KCNJ12: variants seen among roughly 807,000 people sequenced by gnomAD.
KCNJ12 encodes the protein ATP-sensitive inward rectifier potassium channel 12.
Under a neutral mutation model 22.3 loss-of-function variants are expected in KCNJ12, and 2 were observed. The ratio of observed to expected loss-of-function variants is 0.09; its 90% CI spans 0.04 to 0.28. The LOEUF is 0.28. Ranked by LOEUF, KCNJ12 falls within the 10% of genes least tolerant of loss-of-function variation. The pLI is 1.00. For synonymous variants in KCNJ12, 117 were observed against 261.4 expected (o/e 0.45, Z 5.33); for missense variants, 155 against 633.3 (o/e 0.24, Z 8.11).
intron 1 of KCNJ12, among the ~76,000 whole-genome samples, chr17:21,383,708 C>G (rs1555558308): frequency 6.6e-6 from 1 of 152,076 alleles, no homozygotes; most frequent in Non-Finnish European, 1.5e-5. Context: ...CTCAGAGAAT[C>G]CTAGAGGTCC....
chr17:21,393,519 C>T (rs1905259711), intron 1 of KCNJ12, among the ~76,000 whole-genome samples: 1 of 152,188 alleles, frequency 6.6e-6, no homozygotes, highest in Admixed American at 6.5e-5. Context: ...GCCATTTATC[C>T]AGCTAACCCT....
At chr17:21,401,066 C>T (rs2364088) in intron 1 of KCNJ12, among the ~76,000 whole-genome samples, 12 of 152,368 alleles carry the variant, frequency 7.9e-5, no homozygotes, top group African/African-American at 2.9e-4. Context: ...TTCACAAAGC[C>T]CTGGCTTCTG....
At chr17:21,406,890 T>A (rs1337890211) in intron 1 of KCNJ12, among the ~76,000 whole-genome samples, 1 of 152,286 alleles carries the variant, frequency 6.6e-6, no homozygotes, top group East Asian at 1.9e-4. Context: ...ACCGTGGAGA[T>A]CCTCAGAGCC....
intron 1 of KCNJ12, among the ~76,000 whole-genome samples, chr17:21,388,351 C>T (rs1555558923): frequency 2.0e-5 from 3 of 152,188 alleles, no homozygotes; most frequent in Admixed American, 6.5e-5. Flanking sequence ...CTTGCCTGCG[C>T]GTGGAGCCCG....
chr17:21,397,281 T>A (rs547845895), intron 1 of KCNJ12, among the ~76,000 whole-genome samples: 1 of 152,196 alleles, frequency 6.6e-6, no homozygotes, highest in Non-Finnish European at 1.5e-5. Flanking sequence ...GTAACATCCC[T>A]GTAGCTGCGA....
At chr17:21,388,622 T>C (rs930817790) in intron 1 of KCNJ12, among the ~76,000 whole-genome samples, 1 of 152,196 alleles carries the variant, frequency 6.6e-6, no homozygotes, top group African/African-American at 2.4e-5. Context: ...CAGGAAGTAG[T>C]GTGACGTCGT....
Position 21,418,475 on chromosome 17 carries a change from G to T in KCNJ12, c.*1831G>T, listed in dbSNP as rs377476207. ...GAGGGGCTGGGGGCGTGGGGTGGGG[G>T]TGTCTGCCTCTTCCCTCCACCTCCT... On this transcript the variant is annotated 3_prime_UTR_variant, in exon 3 of 3. Transcript: ENST00000583088. 1.2e-5 allele frequency: 2 copies of T among 166,898 alleles called. No homozygotes were observed. The highest frequency in any genetic ancestry group is 4.8e-5 in the African/African-American group (2 of 41,364). 10.3% of individuals were successfully genotyped at this position (166,898 alleles called of 1,614,324 possible).
intron 2 of KCNJ12, among the ~76,000 whole-genome samples, chr17:21,411,472 G>C (rs1228242150): frequency 6.6e-6 from 1 of 152,286 alleles, no homozygotes; most frequent in Admixed American, 6.5e-5. Flanking sequence ...GCCTTGTCTA[G>C]CTCAGGTAGT....
intron 1 of KCNJ12, among the ~76,000 whole-genome samples, chr17:21,406,161 G>T (rs1657712): frequency 5.0e-4 from 76 of 152,400 alleles, no homozygotes; most frequent in Admixed American, 1.1e-3. Flanking sequence ...CAGGTGACTG[G>T]GCAGGTGACT....
In KCNJ12 at chr17:21,405,708, C is replaced by A. The variant is rs56788990; in HGVS notation, c.-178-2811C>A. Among the ~76,000 whole-genome samples the A allele has an allele frequency of 8.7e-3, 1,255 of 144,842 alleles. 1 individual carries two copies. Among genetic ancestry groups the A allele is most frequent in the African/African-American group, 0.03 (1,154 of 38,996 alleles). ...AGCACTGCCCCTGCAGCCCACCTCCCCATCCAGGATTGTGACCATAACCCC... is the reference window on the plus strand; with the variant it reads ...AGCACTGCCCCTGCAGCCCACCTCCACATCCAGGATTGTGACCATAACCCC... On this transcript the variant is annotated intron_variant, in intron 1 of 2. Coordinates refer to ENST00000583088, the MANE Select transcript of KCNJ12 (RefSeq NM_021012.5).
rs1906896030 is a variant in KCNJ12 at position 21,417,214 on chromosome 17, G to A, written c.*570G>A. On this transcript the variant is annotated 3_prime_UTR_variant, in exon 3 of 3. Coordinates refer to ENST00000583088, the MANE Select transcript of KCNJ12 (RefSeq NM_021012.5). ...GGCTCCAGAGGGTTCCCCGAGGTGGGACTGGCCTCTCCCCGTGTGTGTGGG... is the reference window on the plus strand; with the variant it reads ...GGCTCCAGAGGGTTCCCCGAGGTGGAACTGGCCTCTCCCCGTGTGTGTGGG... The A allele has an allele frequency of 6.0e-6, 1 of 168,040 alleles. No individual in the cohort carries two copies. The highest frequency in any genetic ancestry group is 2.1e-4 in the South Asian group (1 of 4,846). 10.4% of individuals were successfully genotyped at this position (168,040 alleles called of 1,614,324 possible).
intron 2 of KCNJ12, among the ~76,000 whole-genome samples, chr17:21,411,966 C>T (rs1424844689): frequency 6.6e-6 from 1 of 152,308 alleles, no homozygotes. Flanking sequence ...GTGCTGTATT[C>T]ACCAAGTGCC....
chr17:21,383,951 T>C (rs1214974730), intron 1 of KCNJ12, among the ~76,000 whole-genome samples: 1 of 152,126 alleles, frequency 6.6e-6, no homozygotes, highest in Non-Finnish European at 1.5e-5. Flanking sequence ...GTGCTCACAG[T>C]AAAGTGATAA....
intron 1 of KCNJ12, among the ~76,000 whole-genome samples, chr17:21,400,466 C>G (rs1327750948): frequency 1.3e-5 from 2 of 152,306 alleles, no homozygotes; most frequent in Admixed American, 6.5e-5. Flanking sequence ...TCTGTCTCCC[C>G]CGATCTGTGA....
In KCNJ12 at chr17:21,393,475, C is replaced by T. The variant is rs531803824; in HGVS notation, c.-178-15044C>T. Reference sequence around the variant, plus strand: ...CCTCCCCTCTGCCTCTGGTATGTCTCCACTCTTGCTTACGAAGCCAGCACT... The same window carrying T: ...CCTCCCCTCTGCCTCTGGTATGTCTTCACTCTTGCTTACGAAGCCAGCACT... On this transcript the variant is annotated intron_variant, in intron 1 of 2. Coordinates refer to ENST00000583088, the MANE Select transcript of KCNJ12 (RefSeq NM_021012.5). 6.8e-4 allele frequency among the ~76,000 whole-genome samples: 103 copies of T among 152,272 alleles called. No individual in the cohort carries two copies. The South Asian group carries it at 0.02, about 30-fold the overall frequency.
intron 1 of KCNJ12, among the ~76,000 whole-genome samples, chr17:21,400,609 G>A (rs1182474097): frequency 2.0e-5 from 3 of 152,308 alleles, no homozygotes; most frequent in African/African-American, 7.2e-5. Flanking sequence ...GGTGGGCGAG[G>A]GGCCAGGCTG....
intron 1 of KCNJ12, among the ~76,000 whole-genome samples, chr17:21,383,234 C>T (rs1555558239): frequency 6.6e-6 from 1 of 152,210 alleles, no homozygotes; most frequent in Non-Finnish European, 1.5e-5. Flanking sequence ...CGGGCCCGAG[C>T]TGGCGGCTCC....
At chr17:21,384,534 G>A (rs1905006045) in intron 1 of KCNJ12, among the ~76,000 whole-genome samples, 1 of 152,172 alleles carries the variant, frequency 6.6e-6, no homozygotes, top group Admixed American at 6.5e-5. Context: ...GCAGCCTGGG[G>A]CTTTGGGACC....
chr17:21,417,922 G>A lies in KCNJ12; in HGVS notation c.*1278G>A, dbSNP rs1468969947. 27 of 167,404 alleles carry A rather than the reference G, an allele frequency of 1.6e-4. No individual in the cohort carries two copies. The highest frequency in any genetic ancestry group is 6.3e-4 in the African/African-American group (26 of 41,448). 10.4% of individuals were successfully genotyped at this position (167,404 alleles called of 1,614,324 possible). Reference sequence around the variant, plus strand: ...GCTGAATGGCAGAGGAAAGATCTTAGGAAAGGAGAGGAATCGCCACCCCCT... The same window carrying A: ...GCTGAATGGCAGAGGAAAGATCTTAAGAAAGGAGAGGAATCGCCACCCCCT... On this transcript the variant is annotated 3_prime_UTR_variant, in exon 3 of 3. Transcript: ENST00000583088.
Sources: gnomAD v4.1 joint callset for allele counts (sites outside exome capture counted in the v4.1 genomes callset) on GRCh38, gnomAD v4.1.1 for gene constraint, MANE v1.5 for transcripts, NCBI Gene and HGNC (gene_info 2026-07-23, HGNC 2026-07-21) for gene names.